Variants in NELL2 observed in about 807,000 individuals in gnomAD.
NELL2 encodes the protein neural EGFL like 2.
NELL2 carries 41 observed loss-of-function variants against 109.6 expected under a neutral mutation model. That is an observed-to-expected ratio of 0.37 (90% CI 0.29 to 0.49). NELL2 has a LOEUF of 0.49. Among genes scored for constraint, NELL2 ranks in the 20% least tolerant of loss-of-function variants. NELL2 has a pLI of 0.98. For missense variants in NELL2, 900 were observed against 1,008.3 expected, an observed-to-expected ratio of 0.89 and a Z score of 1.45; for synonymous variants, 355 against 344.7, an observed-to-expected ratio of 1.03 and a Z score of -0.33.
At chr12:44,546,885 T>C (rs1439486829) in intron 15 of NELL2, among the ~76,000 whole-genome samples, 2 of 152,228 alleles carry the variant, frequency 1.3e-5, no homozygotes, top group Non-Finnish European at 2.9e-5. Context: ...GATTATTTAA[T>C]GTAATAAAGG....
chr12:44,562,989 A>G (rs1473076525), intron 15 of NELL2, among the ~76,000 whole-genome samples: 3 of 152,222 alleles, frequency 2.0e-5, no homozygotes, highest in Non-Finnish European at 4.4e-5. Flanking sequence ...CGCAGCCATA[A>G]AAAAGGATGA....
At chr12:44,883,445 C>A (rs886540507) in intron 1 of NELL2, among the ~76,000 whole-genome samples, 1 of 151,918 alleles carries the variant, frequency 6.6e-6, no homozygotes, top group African/African-American at 2.4e-5. Context: ...TAGATTAGGA[C>A]CCCCTGGATA....
At chr12:44,773,489 A>G (rs1266845556) in intron 9 of NELL2, among the ~76,000 whole-genome samples, 1 of 151,752 alleles carries the variant, frequency 6.6e-6, no homozygotes, top group African/African-American at 2.4e-5. Context: ...AAAAAAAAAA[A>G]AGAAGTTAAG....
rs532174468 is a variant in NELL2 at position 44,776,958 on chromosome 12, G to A, written c.762+84C>T. 29 of 1,191,380 alleles carry A rather than the reference G, an allele frequency of 2.4e-5. No individual in the cohort carries two copies. In the South Asian group the frequency reaches 2.8e-4, roughly 12 times the overall value. The allele number at this position is 1,191,380 out of a possible 1,614,324, so 73.8% of individuals were successfully genotyped here. ...GTATAGTATAAGAAGAGCCTCGAAG[G>A]TGAAAATCTATGGTTATAAATGGAA... is the stretch of plus-strand genomic sequence containing the variant. On this transcript the variant is annotated intron_variant, in intron 7 of 19. Transcript: ENST00000429094.
intron 12 of NELL2, among the ~76,000 whole-genome samples, chr12:44,673,706 A>T (rs963704557): frequency 6.6e-6 from 1 of 152,244 alleles, no homozygotes; most frequent in East Asian, 1.9e-4. Flanking sequence ...GAAATGGATG[A>T]TGATCATTAT....
rs565193275 is a variant in NELL2 at position 44,543,757 on chromosome 12, T to C, written c.1664-11036A>G. On this transcript the variant is annotated intron_variant, in intron 15 of 19. Transcript: ENST00000429094. ...GTGATTCTAAGAGCTCTGGTTTCTC[T>C]ACCAATTCTAGTGCATCAGTCTGAA... 7.2e-5 allele frequency among the ~76,000 whole-genome samples: 11 copies of C among 152,294 alleles called. No homozygotes were observed. The South Asian group carries it at 2.3e-3, about 32-fold the overall frequency.
intron 15 of NELL2, among the ~76,000 whole-genome samples, chr12:44,557,085 A>T (rs1038238828): frequency 1.3e-5 from 2 of 152,214 alleles, no homozygotes; most frequent in African/African-American, 4.8e-5. Flanking sequence ...CTAATGGCTG[A>T]AAGAAGCAGA....
chr12:44,683,437 C>A (rs1365696637), intron 12 of NELL2, among the ~76,000 whole-genome samples: 2 of 151,124 alleles, frequency 1.3e-5, no homozygotes, highest in Admixed American at 1.3e-4. Context: ...ACTGCCCTGG[C>A]CAGAAACTCC....
chr12:44,615,230 A>AT (rs1327123472), intron 13 of NELL2, among the ~76,000 whole-genome samples: 12 of 151,816 alleles, frequency 7.9e-5, no homozygotes, highest in African/African-American at 1.7e-4. Flanking sequence ...TTTGACATGG[A>AT]TTTTTTTTAC....
At chr12:44,782,084 C>G (rs907514940) in intron 3 of NELL2, among the ~76,000 whole-genome samples, 5 of 151,760 alleles carry the variant, frequency 3.3e-5, no homozygotes, top group Non-Finnish European at 7.4e-5. Context: ...GAGTCTGTGT[C>G]CTAAATGTAT....
At chr12:44,633,766 A>T (rs893612983) in intron 13 of NELL2, among the ~76,000 whole-genome samples, 5 of 152,152 alleles carry the variant, frequency 3.3e-5, no homozygotes, top group Non-Finnish European at 7.3e-5. Context: ...ACTTGACCAA[A>T]TCAAGTTTTC....
chr12:44,584,876 T>C (rs1592157645), intron 15 of NELL2, among the ~76,000 whole-genome samples: 2 of 152,298 alleles, frequency 1.3e-5, no homozygotes, highest in South Asian at 4.1e-4. Flanking sequence ...ATACCTGCCA[T>C]GGGAGTTAGT....
intron 2 of NELL2, among the ~76,000 whole-genome samples, chr12:44,835,955 G>A (rs1206206042): frequency 6.6e-6 from 1 of 152,190 alleles, no homozygotes; most frequent in Non-Finnish European, 1.5e-5. Flanking sequence ...CAGGAACAAC[G>A]AAGTATGGCA....
At chr12:44,823,488 T>C (rs776428410) in intron 2 of NELL2, among the ~76,000 whole-genome samples, 1 of 152,228 alleles carries the variant, frequency 6.6e-6, no homozygotes, top group African/African-American at 2.4e-5. Flanking sequence ...GATCATGCGG[T>C]ATTCATCTGT....
chr12:44,664,269 G>A (rs896732044), intron 13 of NELL2, among the ~76,000 whole-genome samples: 3 of 151,948 alleles, frequency 2.0e-5, no homozygotes, highest in East Asian at 3.8e-4. Context: ...GAAATGTTTA[G>A]GATGAACTGA....
chr12:44,809,771 C>T (rs970176630), intron 3 of NELL2, among the ~76,000 whole-genome samples: 6 of 152,152 alleles, frequency 3.9e-5, no homozygotes, highest in Admixed American at 6.6e-5. Flanking sequence ...CTTAATTCTG[C>T]AACAGTGTGA....
chr12:44,891,770 G>A (rs1414474339), intron 1 of NELL2, among the ~76,000 whole-genome samples: 1 of 152,124 alleles, frequency 6.6e-6, no homozygotes, highest in Non-Finnish European at 1.5e-5. Flanking sequence ...GCAGAAAATT[G>A]GAGCTCAATG....
At chr12:44,701,360 T>C (rs968848071) in intron 12 of NELL2, among the ~76,000 whole-genome samples, 1 of 152,086 alleles carries the variant, frequency 6.6e-6, no homozygotes, top group Non-Finnish European at 1.5e-5. Context: ...AAATGACAAT[T>C]AGTATAAAGT....
chr12:44,907,821 T>C (rs1437932034), intron 1 of NELL2, among the ~76,000 whole-genome samples: 1 of 152,084 alleles, frequency 6.6e-6, no homozygotes, highest in Non-Finnish European at 1.5e-5. Flanking sequence ...ATCATTGTAA[T>C]GATGTTCTTG....
Sources: allele counts gnomAD v4.1 joint callset (sites outside exome capture counted in the v4.1 genomes callset), GRCh38; gene constraint gnomAD v4.1.1; transcripts MANE v1.5; gene names NCBI Gene and HGNC (gene_info 2026-07-23, HGNC 2026-07-21).